Variants in DZIP3 observed in about 807,000 individuals in gnomAD.
The protein encoded by DZIP3 is DAZ interacting zinc finger protein 3.
DZIP3 carries 118 observed loss-of-function variants against 162.0 expected under a neutral mutation model. That is an observed-to-expected ratio of 0.73 (90% CI 0.63 to 0.85). The LOEUF (loss-of-function observed/expected upper bound fraction) is 0.85. Among genes scored for constraint, DZIP3 ranks in the 40% least tolerant of loss-of-function variants. DZIP3 has a pLI of 0.00. For missense variants in DZIP3, 1,331 were observed against 1,407.0 expected (o/e 0.95, Z 0.86); for synonymous variants, 438 against 458.6 (o/e 0.96, Z 0.57).
chr3:108,609,347 GCA>G (rs1208451063), intron 3 of DZIP3, among the ~76,000 whole-genome samples: 4 of 152,136 alleles, frequency 2.6e-5, no homozygotes, highest in Admixed American at 2.6e-4. Context: ...TATGCTATAT[GCA>G]CATGTATGTA....
chr3:108,684,426 C>A (rs1225835764), intron 27 of DZIP3, 85 bp downstream of exon 27: 5 of 1,477,224 alleles, frequency 3.4e-6, no homozygotes, highest in South Asian at 1.3e-5. Context: ...TCATTTTGTT[C>A]ATTCATTTGA....
intron 12 of DZIP3, among the ~76,000 whole-genome samples, chr3:108,640,522 T>A (rs1942354917): frequency 6.7e-6 from 1 of 149,764 alleles, no homozygotes; most frequent in Non-Finnish European, 1.5e-5. Context: ...CTCGGCTCAC[T>A]GCAATCTCCA....
intron 21 of DZIP3, 99 bp from the exon 22 acceptor site, chr3:108,669,582 C>CAT: frequency 9.7e-7 from 1 of 1,029,884 alleles, no homozygotes; most frequent in Non-Finnish European, 1.4e-6. Context: ...CCCAAATGGA[C>CAT]ATACTTTATC....
chr3:108,672,204 G>A (rs747549255), intron 22 of DZIP3, among the ~76,000 whole-genome samples: 3 of 151,774 alleles, frequency 2.0e-5, no homozygotes, highest in Non-Finnish European at 2.9e-5. Flanking sequence ...CCATCACTTC[G>A]GGGGTTAAGA....
intron 1 of DZIP3, among the ~76,000 whole-genome samples, chr3:108,599,478 C>CA (rs1442445037): frequency 1.3e-5 from 2 of 152,182 alleles, no homozygotes; most frequent in Non-Finnish European, 2.9e-5. Flanking sequence ...ATTGCTAATA[C>CA]AAAATAATGG....
At chr3:108,658,185 A>G (rs1472581912) in intron 19 of DZIP3, among the ~76,000 whole-genome samples, 2 of 152,342 alleles carry the variant, frequency 1.3e-5, no homozygotes, top group Admixed American at 6.5e-5. Context: ...AACAGAATAT[A>G]CATTTTTCTC....
chr3:108,649,040 A>G, intron 17 of DZIP3, 78 bp downstream of exon 17: 1 of 887,080 alleles, frequency 1.1e-6, no homozygotes, highest in Non-Finnish European at 1.5e-6. Flanking sequence ...TAGAACTTAA[A>G]TTAGTTCAAG....
intron 3 of DZIP3, among the ~76,000 whole-genome samples, chr3:108,610,860 C>T (rs1940664094): frequency 6.6e-6 from 1 of 152,128 alleles, no homozygotes; most frequent in African/African-American, 2.4e-5. Flanking sequence ...ACTTTGTTTA[C>T]AATTTGAACT....
chr3:108,637,563 A>G lies in DZIP3; in HGVS notation c.1064+15A>G. The G allele has an allele frequency of 6.2e-7, 1 of 1,601,556 alleles. No individual in the cohort carries two copies. Among genetic ancestry groups the G allele is most frequent in the Non-Finnish European group, 8.5e-7 (1 of 1,173,382 alleles). On this transcript the variant is annotated intron_variant, in intron 12 of 32. Transcript: ENST00000361582. ...TTAGGAGCAAGGTAAGCTTAAAATA[A>G]AATACTCTGTTACCTTTTTTGGAAT... is the stretch of plus-strand genomic sequence containing the variant.
intron 1 of DZIP3, among the ~76,000 whole-genome samples, chr3:108,598,696 A>G (rs1303763393): frequency 6.6e-6 from 1 of 152,196 alleles, no homozygotes; most frequent in Non-Finnish European, 1.5e-5. Flanking sequence ...TGCGTGCGTT[A>G]TGTCTCAGGA....
intron 19 of DZIP3, among the ~76,000 whole-genome samples, chr3:108,656,162 G>A (rs552750633): frequency 1.1e-4 from 16 of 152,296 alleles, no homozygotes; most frequent in South Asian, 2.1e-4. Context: ...CTCCCAGCAC[G>A]TAGCTTGAGA....
chr3:108,667,061 TG>T (rs1200837864), intron 21 of DZIP3, among the ~76,000 whole-genome samples: 3 of 151,992 alleles, frequency 2.0e-5, no homozygotes, highest in Non-Finnish European at 4.4e-5. Flanking sequence ...GGTGCACACC[TG>T]TAGTCCCAGC....
At chr3:108,668,464 T>C (rs2107334327) in intron 21 of DZIP3, among the ~76,000 whole-genome samples, 2 of 152,084 alleles carry the variant, frequency 1.3e-5, no homozygotes, top group East Asian at 3.9e-4. Context: ...AGAGTCTAGG[T>C]GTTCTGAATT....
At chr3:108,634,996 A>T in intron 10 of DZIP3, 24 bp downstream of exon 10, 1 of 1,395,262 alleles carries the variant, frequency 7.2e-7, no homozygotes, top group Non-Finnish European at 1.0e-6. Context: ...TCTTAAAACT[A>T]CAACAGCATT....
At chr3:108,673,641 G>C (rs887767337) in intron 23 of DZIP3, among the ~76,000 whole-genome samples, 10 of 151,826 alleles carry the variant, frequency 6.6e-5, no homozygotes, top group African/African-American at 2.2e-4. Flanking sequence ...TTTCTGTATG[G>C]TCTTATTATT....
At chr3:108,626,636 T>C (rs979677664) in intron 7 of DZIP3, among the ~76,000 whole-genome samples, 4 of 152,210 alleles carry the variant, frequency 2.6e-5, no homozygotes, top group African/African-American at 9.7e-5. Context: ...ATCCATTATA[T>C]TCCAGAAACT....
intron 12 of DZIP3, among the ~76,000 whole-genome samples, chr3:108,641,529 G>A (rs1942400539): frequency 6.6e-6 from 1 of 152,118 alleles, no homozygotes; most frequent in Non-Finnish European, 1.5e-5. Flanking sequence ...AGGTCAATAT[G>A]AGCAGAAAAT....
chr3:108,632,848 G>A (rs777161823), intron 8 of DZIP3, 105 bp from the exon 9 acceptor site: 47 of 556,024 alleles, frequency 8.5e-5, no homozygotes, highest in Middle Eastern at 6.3e-4. Flanking sequence ...TTCGAAAAGG[G>A]ATATGATATG....
intron 19 of DZIP3, among the ~76,000 whole-genome samples, chr3:108,660,753 A>G (rs1943383900): frequency 6.6e-6 from 1 of 150,908 alleles, no homozygotes; most frequent in South Asian, 2.1e-4. Context: ...ACAAAGGGCT[A>G]ATATCCAGAA....
Sources: gnomAD v4.1 joint callset for allele counts (sites outside exome capture counted in the v4.1 genomes callset) on GRCh38, gnomAD v4.1.1 for gene constraint, MANE v1.5 for transcripts, NCBI Gene and HGNC (gene_info 2026-07-23, HGNC 2026-07-21) for gene names.